ZNF317: variants seen among roughly 807,000 people sequenced by gnomAD.
The protein encoded by ZNF317 is KRAB-containing zinc finger protein 317.
ZNF317 carries 17 observed loss-of-function variants against 23.4 expected under a neutral mutation model. The observed-to-expected ratio is 0.73, with a 90% confidence interval of 0.50 to 1.09. The LOEUF (loss-of-function observed/expected upper bound fraction) is 1.09, where lower values mean the gene tolerates loss of function less well. Among genes scored for constraint, ZNF317 ranks in the 50% least tolerant of loss-of-function variants. ZNF317 has a pLI of 0.00. For synonymous variants in ZNF317, 317 were observed against 314.9 expected (o/e 1.01, Z -0.07); for missense variants, 679 against 796.7 (o/e 0.85, Z 1.78).
chr19:9,156,562 T>C, intron 2 of ZNF317, 50 bp from the exon 3 acceptor site: 1 of 1,588,650 alleles, frequency 6.3e-7, no homozygotes, highest in Non-Finnish European at 8.6e-7. Context: ...AGTGTTGTAT[T>C]ATGAGACAGG....
rs372132067 is a variant in ZNF317, at chr19:9,160,096, T to G, written c.469-18T>G. ...ATATGAGAATTGCCTTTGTCAGCAC[T>G]TACGTCTTAACCAACAGGAAAGAGC... On this transcript the variant is annotated intron_variant, in intron 6 of 6. Coordinates refer to ENST00000247956, the MANE Select transcript of ZNF317 (RefSeq NM_020933.5). The surrounding 1 kb of genome is among the most constrained non-coding windows in gnomAD (Gnocchi z 6.8). The G allele has an allele frequency of 1.2e-5, 20 of 1,613,106 alleles. No homozygotes were observed. In the Admixed American group the frequency reaches 3.3e-4, roughly 27 times the overall value.
chr19:9,140,855 C>T lies in ZNF317; in HGVS notation c.-93+263C>T, dbSNP rs12459687. ...TAAGTCTCTGGTGGGGGCGGAAAAG[C>T]CCGGCTGAAGTGAATTCAAGAGTTT... On this transcript the variant is annotated intron_variant, in intron 1 of 6. Coordinates refer to ENST00000247956, the MANE Select transcript of ZNF317 (RefSeq NM_020933.5). Among the ~76,000 whole-genome samples, 1,052 of 152,172 alleles carry T rather than the reference C, an allele frequency of 6.9e-3. 14 individuals are homozygous for T. The highest frequency in any genetic ancestry group is 0.031 in the Admixed American group (477 of 15,282).
rs2050742832 is a variant in ZNF317 at position 9,152,335 on chromosome 19, A to T, written c.-92-3590A>T. Among the ~76,000 whole-genome samples the T allele has an allele frequency of 2.0e-5, 3 of 152,110 alleles. No homozygotes were observed. The South Asian group carries it at 6.2e-4, about 32-fold the overall frequency. Reference sequence around the variant, plus strand: ...GGAATTTGATACATCTAGAGCATTGATCCCCAAGCCCTGGGCCACAGACAG... The same window carrying T: ...GGAATTTGATACATCTAGAGCATTGTTCCCCAAGCCCTGGGCCACAGACAG... On this transcript the variant is annotated intron_variant, in intron 1 of 6. Transcript: ENST00000247956.
chr19:9,156,513 A>G, intron 2 of ZNF317, 99 bp from the exon 3 acceptor site: 1 of 1,430,330 alleles, frequency 7.0e-7, no homozygotes, highest in Non-Finnish European at 9.5e-7. Flanking sequence ...TGAGGATGTG[A>G]ACACTCAGAA....
At chr19:9,157,486 C>T in intron 4 of ZNF317, 92 bp downstream of exon 4, 1 of 1,522,756 alleles carries the variant, frequency 6.6e-7, no homozygotes, top group Non-Finnish European at 8.9e-7. Flanking sequence ...TGCAGCGGTT[C>T]AGAACGCAGC....
Position 9,160,647 on chromosome 19 carries a change from C to T in ZNF317, c.1002C>T (p.Tyr334=), listed in dbSNP as rs770465828. The T allele has an allele frequency of 8.1e-6, 13 of 1,614,020 alleles. No homozygotes were observed. The highest frequency in any genetic ancestry group is 1.6e-4 in the Middle Eastern group (1 of 6,084). The stretch of plus-strand genomic sequence containing the variant: ...GAACGCACACCGGAGAGAGGCCCTA[C>T]GAGTGTCACGACTGTGGGAAAGCTT... ...HKRTHTGERP[Y]ECHDCGKAFQ... Residue 334 remains tyrosine, a synonymous_variant, in exon 7 of 7, where the codon TAC becomes TAT. Transcript: ENST00000247956. This position sits in a 1 kb window ranked among gnomAD's most constrained non-coding sequence, Gnocchi z 6.8.
intron 5 of ZNF317, 98 bp from the exon 6 acceptor site, chr19:9,158,728 C>A: frequency 1.2e-6 from 1 of 808,894 alleles, no homozygotes; most frequent in Non-Finnish European, 2.1e-6. Flanking sequence ...CTTTTCCTTA[C>A]ATAGCCTTAG....
At chr19:9,158,356 C>CTTTTATCTTTTTTTTTTT in intron 5 of ZNF317, among the ~76,000 whole-genome samples, 1 of 74,890 alleles carries the variant, frequency 1.3e-5, no homozygotes, top group African/African-American at 6.7e-5. Flanking sequence ...CCTTAAATTT[C>CTTTTATCTTTTTTTTTTT]TTTTTTCTTT....
Position 9,157,266 on chromosome 19 carries a change from A to G in ZNF317, c.163-2A>G. 6.2e-7 allele frequency: 1 copy of G among 1,613,582 alleles called. No individual in the cohort carries two copies. Among genetic ancestry groups the G allele is most frequent in the Non-Finnish European group, 8.5e-7 (1 of 1,179,766 alleles). Reference sequence around the variant, plus strand: ...TGACCCCAAGTTTGTGTGGCGTTCCAGGAATCGGTGACTTTCCAAGATGTC... The same window carrying G: ...TGACCCCAAGTTTGTGTGGCGTTCCGGGAATCGGTGACTTTCCAAGATGTC... On this transcript the variant is annotated splice_acceptor_variant, in intron 3 of 6. Coordinates refer to ENST00000247956, the MANE Select transcript of ZNF317 (RefSeq NM_020933.5). LOFTEE classifies it high-confidence loss of function.
chr19:9,158,186 T>G, intron 5 of ZNF317, 111 bp downstream of exon 5: 4 of 1,327,276 alleles, frequency 3.0e-6, no homozygotes, highest in Admixed American at 3.1e-5. Flanking sequence ...GAGATGCTCC[T>G]TCCCTCTTTT....
chr19:9,156,604 TC>T lies in ZNF317; in HGVS notation c.26-6del, dbSNP rs1568313962. 2 of 1,612,712 alleles carry T rather than the reference TC, an allele frequency of 1.2e-6. No homozygotes were observed. The highest frequency in any genetic ancestry group is 4.5e-5 in the East Asian group (2 of 44,874). ...TCTGATTCTCATGAACCCTGTTTTC[TC>T]CTCCAGCCACGTCCACCCAGGATTC... On this transcript the variant is annotated splice_polypyrimidine_tract_variant and splice_region_variant and intron_variant, in intron 2 of 6. Transcript: ENST00000247956.
chr19:9,162,359 A>G lies in ZNF317; in HGVS notation c.*926A>G, dbSNP rs923376304. On this transcript the variant is annotated 3_prime_UTR_variant, in exon 7 of 7. Transcript: ENST00000247956. The stretch of plus-strand genomic sequence containing the variant: ...AATTACTGCCTGCAGCAATTCCTCC[A>G]TTTTTATGAATCTTGTGAGCACTTA... The G allele has an allele frequency of 2.6e-5, 4 of 152,032 alleles. No homozygotes were observed. Among genetic ancestry groups the G allele is most frequent in the Admixed American group, 2.6e-4 (4 of 15,256 alleles). The allele number at this position is 152,032 out of a possible 1,614,324, so 9.4% of individuals were successfully genotyped here.
At chr19:9,151,350 T>C (rs2050734561) in intron 1 of ZNF317, among the ~76,000 whole-genome samples, 2 of 152,242 alleles carry the variant, frequency 1.3e-5, no homozygotes. Flanking sequence ...TCCTATATTA[T>C]TGTTTTGAAA....
intron 1 of ZNF317, among the ~76,000 whole-genome samples, chr19:9,143,747 T>C (rs931360248): frequency 5.4e-5 from 8 of 148,364 alleles, no homozygotes; most frequent in Middle Eastern, 3.5e-3. Flanking sequence ...TGTCCCCCCT[T>C]TTTTTTTTTT....
intron 1 of ZNF317, among the ~76,000 whole-genome samples, 180 bp from the exon 2 acceptor site, chr19:9,155,745 C>T (rs552174427): frequency 1.3e-5 from 2 of 152,248 alleles, no homozygotes; most frequent in African/African-American, 4.8e-5. Context: ...CAGGGGCTGT[C>T]CCCCCACCAC....
chr19:9,158,964 G>A, intron 6 of ZNF317, 56 bp downstream of exon 6: 2 of 1,272,422 alleles, frequency 1.6e-6, no homozygotes, highest in Non-Finnish European at 2.3e-6. Context: ...GGAGACTGGG[G>A]CAGCCTAGGT....
chr19:9,160,292 A>ACGACGGGAGAAAAATGCATGAATGT lies in ZNF317; in HGVS notation c.649_673dup (p.His225ArgfsTer7). On this transcript the variant is annotated frameshift_variant, in exon 7 of 7. Transcript: ENST00000247956. LOFTEE classifies it low-confidence loss of function (END_TRUNC). This position sits in a 1 kb window ranked among gnomAD's most constrained non-coding sequence, Gnocchi z 6.8. ...CACCTCACTCAGCACATGAGCATGT[A>ACGACGGGAGAAAAATGCATGAATGT]CGACGGGAGAAAAATGCATGAATGT... 1 of 1,614,222 alleles carries ACGACGGGAGAAAAATGCATGAATGT rather than the reference A, an allele frequency of 6.2e-7. No homozygotes were observed. Among genetic ancestry groups the ACGACGGGAGAAAAATGCATGAATGT allele is most frequent in the Non-Finnish European group, 8.5e-7 (1 of 1,180,036 alleles).
rs992191406 is a variant in ZNF317 at position 9,161,082 on chromosome 19, C to T, written c.1437C>T (p.Cys479=). The change falls in exon 7 of 7, where the codon TGC becomes TGT. Residue 479 remains cysteine (C), a synonymous_variant. Coordinates refer to ENST00000247956, the MANE Select transcript of ZNF317 (RefSeq NM_020933.5). The surrounding 1 kb of genome is among the most constrained non-coding windows in gnomAD (Gnocchi z 4.0). ...AGAGACGCTACGAATGCGCCGCCTG[C>T]GGGAAAGTCTTCGGTGACTATTTAT... ...TQERRYECAA[C]GKVFGDYLSR... The T allele has an allele frequency of 1.5e-5, 24 of 1,614,134 alleles. No individual in the cohort carries two copies. The highest frequency in any genetic ancestry group is 2.2e-5 in the East Asian group (1 of 44,864).
chr19:9,142,746 C>A (rs188860283), intron 1 of ZNF317, among the ~76,000 whole-genome samples: 36 of 152,064 alleles, frequency 2.4e-4, no homozygotes, highest in Non-Finnish European at 2.9e-5. Context: ...GCAAATTAAA[C>A]CAATTGATTT....
Sources: allele counts gnomAD v4.1 joint callset (sites outside exome capture counted in the v4.1 genomes callset), GRCh38; gene constraint gnomAD v4.1.1; non-coding constraint Gnocchi (gnomAD v3.1); transcripts MANE v1.5; gene names NCBI Gene and HGNC (gene_info 2026-07-23, HGNC 2026-07-21).